Variants in ROBO1 observed in about 807,000 individuals in gnomAD.
ROBO1 encodes the protein roundabout guidance receptor 1, also known as roundabout homolog 1.
A neutral mutation model predicts 195.9 loss-of-function variants in ROBO1; 149 were observed. That is an observed-to-expected ratio of 0.76 (90% CI 0.67 to 0.87). The LOEUF is 0.87. ROBO1 is among the 40% of genes least tolerant of loss of function. The pLI is 0.00. For synonymous variants in ROBO1, 816 were observed against 733.2 expected (o/e 1.11, Z -1.82); for missense variants, 1,933 against 2,068.3 (o/e 0.93, Z 1.27).
intron 1 of ROBO1, among the ~76,000 whole-genome samples, chr3:79,745,373 C>G (rs1483510561): frequency 6.6e-6 from 1 of 152,090 alleles, no homozygotes; most frequent in African/African-American, 2.4e-5. Flanking sequence ...GAATCTGGTT[C>G]TTGTCTTTTT....
chr3:79,717,835 A>G (rs921314205), intron 1 of ROBO1, among the ~76,000 whole-genome samples: 5 of 151,996 alleles, frequency 3.3e-5, no homozygotes, highest in Admixed American at 3.3e-4. Context: ...GTTTTCATGT[A>G]TATCTTTGTG....
intron 3 of ROBO1, among the ~76,000 whole-genome samples, chr3:78,947,986 C>T (rs1430231617): frequency 3.3e-5 from 5 of 152,180 alleles, no homozygotes; most frequent in Admixed American, 2.6e-4. Flanking sequence ...GAAGTTGAAT[C>T]TCTGAATAGA....
chr3:78,938,019 G>A (rs1384399714), intron 4 of ROBO1: 1 of 154,584 alleles, frequency 6.5e-6, no homozygotes, highest in Non-Finnish European at 1.4e-5. Context: ...GTGTGTGTGT[G>A]TGTGTGTGTG....
At chr3:79,064,882 C>A (rs2078979524) in intron 3 of ROBO1, among the ~76,000 whole-genome samples, 1 of 151,860 alleles carries the variant, frequency 6.6e-6, no homozygotes, top group African/African-American at 2.4e-5. Flanking sequence ...GGTATTTCTC[C>A]ACCTTAGGAG....
At chr3:78,977,138 A>G (rs2076900608) in intron 3 of ROBO1, among the ~76,000 whole-genome samples, 1 of 152,176 alleles carries the variant, frequency 6.6e-6, no homozygotes, top group Non-Finnish European at 1.5e-5. Context: ...GAATATTTCC[A>G]ATTTTCTACA....
intron 4 of ROBO1, among the ~76,000 whole-genome samples, chr3:78,822,370 G>T (rs1405262635): frequency 1.3e-5 from 2 of 152,124 alleles, no homozygotes; most frequent in East Asian, 3.9e-4. Flanking sequence ...CCTGTTGCTT[G>T]TGCCAGCTGC....
intron 1 of ROBO1, among the ~76,000 whole-genome samples, chr3:79,741,860 G>C (rs919864576): frequency 2.0e-5 from 3 of 152,172 alleles, no homozygotes; most frequent in Admixed American, 2.0e-4. Context: ...TAAAATAAAG[G>C]TCACTCACTA....
intron 2 of ROBO1, among the ~76,000 whole-genome samples, chr3:79,350,698 A>G (rs1279028299): frequency 6.6e-6 from 1 of 152,226 alleles, no homozygotes; most frequent in Non-Finnish European, 1.5e-5. Flanking sequence ...CAAAACACCT[A>G]TATATGATTT....
intron 2 of ROBO1, among the ~76,000 whole-genome samples, chr3:79,530,157 T>A (rs546619302): frequency 6.6e-6 from 1 of 152,258 alleles, no homozygotes; most frequent in Non-Finnish European, 1.5e-5. Context: ...TATAGTAATC[T>A]TCATAATCAC....
intron 4 of ROBO1, among the ~76,000 whole-genome samples, chr3:78,757,048 T>C (rs1422611768): frequency 2.6e-5 from 4 of 152,090 alleles, no homozygotes; most frequent in Non-Finnish European, 2.9e-5. Flanking sequence ...AGCACCACCA[T>C]GCCCAGCTAA....
intron 3 of ROBO1, among the ~76,000 whole-genome samples, chr3:78,991,210 G>A (rs1005359707): frequency 1.3e-5 from 2 of 152,118 alleles, no homozygotes; most frequent in African/African-American, 4.8e-5. Context: ...TCCTGAGATG[G>A]AAAAACAATT....
At chr3:79,697,776 A>T (rs958259265) in intron 1 of ROBO1, among the ~76,000 whole-genome samples, 1 of 151,512 alleles carries the variant, frequency 6.6e-6, no homozygotes, top group Admixed American at 6.6e-5. Context: ...AGTAATAAGC[A>T]TAATAAGTTA....
intron 3 of ROBO1, among the ~76,000 whole-genome samples, chr3:79,015,691 T>G (rs570862192): frequency 6.6e-6 from 1 of 152,274 alleles, no homozygotes; most frequent in African/African-American, 2.4e-5. Context: ...AATGAATTTC[T>G]GAAGGAATAA....
chr3:78,990,009 A>T (rs2077198716), intron 3 of ROBO1, among the ~76,000 whole-genome samples: 1 of 152,174 alleles, frequency 6.6e-6, no homozygotes, highest in Non-Finnish European at 1.5e-5. Flanking sequence ...TGATTAAAGA[A>T]TTGTACACCT....
chr3:78,917,099 G>GTTTTTTTTTTTTTTTTTT, intron 4 of ROBO1, among the ~76,000 whole-genome samples: 1 of 127,348 alleles, frequency 7.9e-6, no homozygotes, highest in Non-Finnish European at 1.6e-5. Context: ...TTTGTTTTTC[G>GTTTTTTTTTTTTTTTTTT]TTTTTTTTTT....
chr3:79,574,033 A>T (rs898805726), intron 2 of ROBO1, among the ~76,000 whole-genome samples: 1 of 152,126 alleles, frequency 6.6e-6, no homozygotes, highest in South Asian at 2.1e-4. Context: ...CATTGAGTCC[A>T]TGGATTTCCT....
chr3:78,760,027 A>T (rs1238600744), intron 4 of ROBO1, among the ~76,000 whole-genome samples: 1 of 152,048 alleles, frequency 6.6e-6, no homozygotes, highest in Non-Finnish European at 1.5e-5. Context: ...GAGATAATTG[A>T]ATTATGGGAG....
chr3:79,654,140 C>T (rs1946092679), intron 1 of ROBO1, among the ~76,000 whole-genome samples: 1 of 151,872 alleles, frequency 6.6e-6, no homozygotes, highest in African/African-American at 2.4e-5. Flanking sequence ...TATATTACTC[C>T]GTCTACTAAT....
chr3:79,657,212 A>G (rs1946193447), intron 1 of ROBO1, among the ~76,000 whole-genome samples: 1 of 152,122 alleles, frequency 6.6e-6, no homozygotes, highest in Non-Finnish European at 1.5e-5. Context: ...TCCCACAGAA[A>G]ATAACCTTTG....
Sources: gnomAD v4.1 joint callset for allele counts (sites outside exome capture counted in the v4.1 genomes callset) on GRCh38, gnomAD v4.1.1 for gene constraint, MANE v1.5 for transcripts, NCBI Gene and HGNC (gene_info 2026-07-23, HGNC 2026-07-21) for gene names.